WBP2NL: variants seen among roughly 807,000 people sequenced by gnomAD.
WBP2NL encodes postacrosomal sheath WW domain-binding protein.
Under a neutral mutation model 23.3 loss-of-function variants are expected in WBP2NL, and 27 were observed. That is an observed-to-expected ratio of 1.16 (90% CI 0.85 to 1.60). WBP2NL has a LOEUF of 1.60. WBP2NL is among the 40% of genes most tolerant of loss of function. WBP2NL has a pLI of 0.00. For missense variants in WBP2NL, 370 were observed against 389.5 expected (o/e 0.95, Z 0.42); for synonymous variants, 151 against 145.9 (o/e 1.03, Z -0.25).
chr22:42,045,198 G>A (rs1925539480), intron 8 of WBP2NL, among the ~76,000 whole-genome samples: 1 of 152,038 alleles, frequency 6.6e-6, no homozygotes, highest in Non-Finnish European at 1.5e-5. Context: ...CAGCACTTTG[G>A]GAGTCCGAGG....
chr22:42,012,726 C>G (rs1319680790), intron 1 of WBP2NL, among the ~76,000 whole-genome samples: 1 of 152,142 alleles, frequency 6.6e-6, no homozygotes, highest in Non-Finnish European at 1.5e-5. Context: ...GGCACGGTGG[C>G]TCTCGCCTGT....
intron 1 of WBP2NL, chr22:42,001,812 T>C: frequency 7.9e-7 from 1 of 1,258,548 alleles, no homozygotes; most frequent in Non-Finnish European, 1.1e-6. Flanking sequence ...TCTAATGCCC[T>C]TGTATTGCTT....
intron 1 of WBP2NL, among the ~76,000 whole-genome samples, chr22:42,007,925 G>C (rs555116478): frequency 6.6e-6 from 1 of 152,234 alleles, no homozygotes; most frequent in East Asian, 1.9e-4. Context: ...CCAGAAGCAG[G>C]ATTGCTAGCT....
chr22:42,010,706 T>C (rs1922730429), intron 1 of WBP2NL, among the ~76,000 whole-genome samples: 1 of 151,964 alleles, frequency 6.6e-6, no homozygotes, highest in Admixed American at 6.6e-5. Context: ...ACCCGGCTAA[T>C]TTTTTGTATT....
chr22:42,020,872 A>ATGTATATG (rs1569449948), intron 4 of WBP2NL, among the ~76,000 whole-genome samples: 9 of 15,016 alleles, frequency 6.0e-4, no homozygotes, highest in Non-Finnish European at 8.4e-4. Flanking sequence ...GTGTGTGTAT[A>ATGTATATG]TATATATATA....
chr22:42,000,786 A>AAG (rs1556282106), intron 1 of WBP2NL, among the ~76,000 whole-genome samples: 3 of 151,378 alleles, frequency 2.0e-5, no homozygotes, highest in Non-Finnish European at 4.4e-5. Flanking sequence ...AAAAAAAAAA[A>AAG]CAGCCGGGAG....
intron 1 of WBP2NL, among the ~76,000 whole-genome samples, chr22:42,012,721 G>A (rs976405634): frequency 1.3e-5 from 2 of 152,032 alleles, no homozygotes; most frequent in African/African-American, 2.4e-5. Flanking sequence ...GGCTGGGCAC[G>A]GTGGCTCTCG....
At chr22:42,037,557 T>C (rs1925231738), downstream of WBP2NL, among the ~76,000 whole-genome samples, 1 of 152,174 alleles carries the variant, frequency 6.6e-6, no homozygotes, top group Admixed American at 6.6e-5. Flanking sequence ...ACTTAGACGA[T>C]ATTAATTCTT....
chr22:42,030,751 G>A (rs555598703), downstream of WBP2NL: 1 of 152,362 alleles, frequency 6.6e-6, no homozygotes, highest in Admixed American at 6.5e-5. Flanking sequence ...AGGAAGAGAG[G>A]AGAGACTCAA....
chr22:42,011,334 G>A (rs760946537), intron 1 of WBP2NL, among the ~76,000 whole-genome samples: 8 of 151,958 alleles, frequency 5.3e-5, no homozygotes, highest in Admixed American at 1.3e-4. Context: ...GCTTACTGCT[G>A]CCTCAATCTC....
At chr22:42,058,144 C>T (rs1926162396) in intron 8 of WBP2NL, 1 of 151,120 alleles carries the variant, frequency 6.6e-6, no homozygotes, top group South Asian at 2.1e-4. Flanking sequence ...TCTCAATCTC[C>T]TGACCTTGTG....
Position 42,022,233 on chromosome 22 carries a change from A to T in WBP2NL, c.407-16A>T. 6.2e-7 allele frequency: 1 copy of T among 1,613,496 alleles called. No individual in the cohort carries two copies. Among genetic ancestry groups the T allele is most frequent in the Non-Finnish European group, 8.5e-7 (1 of 1,179,410 alleles). On this transcript the variant is annotated splice_polypyrimidine_tract_variant and intron_variant, in intron 4 of 5. Coordinates refer to ENST00000328823, the MANE Select transcript of WBP2NL (RefSeq NM_152613.3). ...TAATTAAAAGAGTTCCTATTTTGCC[A>T]AATTTGTCTTTCCAGCTGCCCGAGG...
intron 1 of WBP2NL, chr22:42,001,539 C>G: frequency 9.2e-7 from 1 of 1,087,540 alleles, no homozygotes; most frequent in South Asian, 1.3e-5. Flanking sequence ...TTGCCCACAT[C>G]AGCTGCTACA....
chr22:42,011,483 C>T (rs1309274199), intron 1 of WBP2NL, among the ~76,000 whole-genome samples: 1 of 151,962 alleles, frequency 6.6e-6, no homozygotes, highest in African/African-American at 2.4e-5. Flanking sequence ...AAACTCCTGG[C>T]CTCGAGCAAT....
At chr22:42,052,053 A>T (rs1244784040) in intron 8 of WBP2NL, among the ~76,000 whole-genome samples, 1 of 152,150 alleles carries the variant, frequency 6.6e-6, no homozygotes, top group Non-Finnish European at 1.5e-5. Context: ...TCTTATTCTC[A>T]TTCTATAAAC....
At chr22:42,029,142 T>C (rs572726333), downstream of WBP2NL, among the ~76,000 whole-genome samples, 3 of 152,222 alleles carry the variant, frequency 2.0e-5, no homozygotes, top group South Asian at 6.2e-4. Flanking sequence ...TCAAGCCACC[T>C]AAAAGGGAGG....
chr22:42,028,143 T>C lies in WBP2NL; in HGVS notation c.*962T>C. 1 of 398,416 alleles carries C rather than the reference T, an allele frequency of 2.5e-6. No individual in the cohort carries two copies. The highest frequency in any genetic ancestry group is 4.4e-6 in the Non-Finnish European group (1 of 225,986). 24.7% of individuals were successfully genotyped at this position (398,416 alleles called of 1,614,324 possible). Reference sequence around the variant, plus strand: ...ACAGCACAAAATTAGAAATAACCTATATGTCCATTAATAGGAAATATATGA... The same window carrying C: ...ACAGCACAAAATTAGAAATAACCTACATGTCCATTAATAGGAAATATATGA... On this transcript the variant is annotated 3_prime_UTR_variant, in exon 6 of 6. Coordinates refer to ENST00000328823, the MANE Select transcript of WBP2NL (RefSeq NM_152613.3).
chr22:42,014,517 G>A (rs1050640269), intron 1 of WBP2NL, among the ~76,000 whole-genome samples: 2 of 152,076 alleles, frequency 1.3e-5, no homozygotes, highest in East Asian at 3.9e-4. Flanking sequence ...ATGAGCCACC[G>A]CGCCTGGCCC....
chr22:42,043,383 C>T lies in WBP2NL; in HGVS notation c.*273+12560C>T, dbSNP rs147362048. On this transcript the variant is annotated intron_variant and NMD_transcript_variant, in intron 8 of 8. Transcript: ENST00000436265. ...AAGTTGTTGGTGTGGGGCTAGGGCT[C>T]GTGGTGTGTATATGCTCAGTTGTGG... Among the ~76,000 whole-genome samples, 14 of 152,218 alleles carry T rather than the reference C, an allele frequency of 9.2e-5. 1 individual carries two copies. The South Asian group carries it at 2.1e-3, about 23-fold the overall frequency.
Sources: allele counts gnomAD v4.1 joint callset (sites outside exome capture counted in the v4.1 genomes callset), GRCh38; gene constraint gnomAD v4.1.1; transcripts MANE v1.5; gene names NCBI Gene and HGNC (gene_info 2026-07-23, HGNC 2026-07-21).